Variants in SPATC1L observed in about 807,000 individuals in gnomAD.
SPATC1L encodes the protein spermatogenesis and centriole associated 1 like.
In SPATC1L, 20 loss-of-function variants were observed where a neutral mutation model predicts 21.2. The ratio of observed to expected loss-of-function variants is 0.94; its 90% confidence interval spans 0.66 to 1.37. SPATC1L has a LOEUF of 1.37. Among genes scored for constraint, SPATC1L ranks in the 40% most tolerant of loss-of-function variants. The pLI is 0.00. For missense variants in SPATC1L, 499 were observed against 478.7 expected, an observed-to-expected ratio of 1.04 and a Z score of -0.40; for synonymous variants, 290 against 234.5, an observed-to-expected ratio of 1.24 and a Z score of -2.16.
intron 2 of SPATC1L, among the ~76,000 whole-genome samples, chr21:46,169,040 C>T (rs1172729127): frequency 6.6e-6 from 1 of 152,280 alleles, no homozygotes; most frequent in Non-Finnish European, 1.5e-5. Context: ...TTTGCTGCTG[C>T]ATTATCTCTT....
intron 2 of SPATC1L, among the ~76,000 whole-genome samples, chr21:46,172,233 C>T (rs564316543): frequency 2.2e-5 from 3 of 135,060 alleles, no homozygotes; most frequent in South Asian, 2.3e-4. Context: ...GAGCACAAAG[C>T]GGGGAGGTGT....
chr21:46,167,604 C>T lies in SPATC1L; in HGVS notation c.544+704G>A, dbSNP rs116632614. Among the ~76,000 whole-genome samples, 1,427 of 152,182 alleles carry T rather than the reference C, an allele frequency of 9.4e-3. 27 individuals are homozygous for T. The highest frequency in any genetic ancestry group is 0.032 in the African/African-American group (1,346 of 41,506). On this transcript the variant is annotated intron_variant, in intron 3 of 4. Coordinates refer to ENST00000291672, the MANE Select transcript of SPATC1L (RefSeq NM_001142854.2). ...CCGAGGCAGGCGAATTGCTTCAGCC[C>T]GGGAGGTCAAGACCAGCCTGGGCAT...
chr21:46,164,445 G>A (rs564010617), intron 3 of SPATC1L, among the ~76,000 whole-genome samples: 21 of 152,234 alleles, frequency 1.4e-4, no homozygotes, highest in South Asian at 6.2e-4. Flanking sequence ...AATGAGGGGT[G>A]TGGAAGAGCA....
In SPATC1L at chr21:46,161,707, TGCGGGC is replaced by T; in HGVS notation, c.697-8_697-3del. 5.1e-6 allele frequency: 8 copies of T among 1,579,304 alleles called. No individual in the cohort carries two copies. The highest frequency in any genetic ancestry group is 6.0e-6 in the Non-Finnish European group (7 of 1,161,524). ...GCCGTCCAGAGACTTGGTGGAGGTCTGCGGGCGCAGCGCATGGATGGGGGTGGGGGG... is the reference window on the plus strand; with the variant it reads ...GCCGTCCAGAGACTTGGTGGAGGTCTGCAGCGCATGGATGGGGGTGGGGGG... On this transcript the variant is annotated splice_region_variant and splice_polypyrimidine_tract_variant and intron_variant, in intron 4 of 4. Coordinates refer to ENST00000291672, the MANE Select transcript of SPATC1L (RefSeq NM_001142854.2).
At chr21:46,163,924 A>G (rs60663823) in intron 3 of SPATC1L, among the ~76,000 whole-genome samples, 23,268 of 152,206 alleles carry the variant, frequency 0.15, 2,196 homozygotes, top group East Asian at 0.51. Flanking sequence ...AATGTAATCC[A>G]TATCAAAATT....
chr21:46,183,979 A>G (rs73144734), intron 1 of SPATC1L, among the ~76,000 whole-genome samples: 1 of 149,864 alleles, frequency 6.7e-6, no homozygotes, highest in Non-Finnish European at 1.5e-5. Flanking sequence ...CTTGCGGGGG[A>G]GACCAGCCTA....
chr21:46,168,453 C>A lies in SPATC1L; in HGVS notation c.399G>T (p.Leu133=). ...PHSHRGTDRK[L]SPLLSPLQDS... is the part of the protein sequence containing the mutation. The stretch of plus-strand genomic sequence containing the variant: ...CTTGCAAGGGGCTCAGGAGCGGGGA[C>A]AGCTTCCTGTCGGTGCCTCGGTGGC... Residue 133 remains leucine, a synonymous_variant, in exon 3 of 5, where the codon CTG becomes CTT. Transcript: ENST00000291672. 1.2e-6 allele frequency: 2 copies of A among 1,603,082 alleles called. No homozygotes were observed. Among genetic ancestry groups the A allele is most frequent in the Non-Finnish European group, 1.7e-6 (2 of 1,174,568 alleles).
At chr21:46,161,731 G>A (rs745421395) in intron 4 of SPATC1L, 26 bp from the exon 5 acceptor site, 4 of 1,552,742 alleles carry the variant, frequency 2.6e-6, no homozygotes, top group Admixed American at 1.8e-5. Flanking sequence ...ATGGATGGGG[G>A]TGGGGGGCTC....
intron 4 of SPATC1L, 24 bp downstream of exon 4, chr21:46,161,892 C>G: frequency 6.2e-7 from 1 of 1,600,170 alleles, no homozygotes; most frequent in Non-Finnish European, 8.5e-7. Flanking sequence ...ACCCTCCTGG[C>G]CGCGCCCTCC....
At chr21:46,175,955 C>G (rs183083938) in intron 2 of SPATC1L, among the ~76,000 whole-genome samples, 6 of 152,132 alleles carry the variant, frequency 3.9e-5, no homozygotes, top group African/African-American at 1.4e-4. Flanking sequence ...AAAGCTTATC[C>G]ACCACAATCA....
chr21:46,174,131 C>G (rs1425680033), intron 2 of SPATC1L, among the ~76,000 whole-genome samples: 1 of 152,002 alleles, frequency 6.6e-6, no homozygotes, highest in East Asian at 1.9e-4. Flanking sequence ...AGTTCAAGAC[C>G]AGCCTGGCCA....
intron 2 of SPATC1L, among the ~76,000 whole-genome samples, chr21:46,182,335 C>A (rs67381056): frequency 9.2e-5 from 14 of 152,254 alleles, no homozygotes; most frequent in Non-Finnish European, 1.8e-4. Flanking sequence ...CAAGCCTGCG[C>A]GCCACCTGCT....
intron 2 of SPATC1L, among the ~76,000 whole-genome samples, chr21:46,171,166 T>G (rs534253935): frequency 2.0e-5 from 3 of 152,312 alleles, no homozygotes; most frequent in African/African-American, 7.2e-5. Flanking sequence ...GGACTGAATA[T>G]TCCCCAACCA....
intron 2 of SPATC1L, among the ~76,000 whole-genome samples, chr21:46,173,569 C>T (rs560881180): frequency 2.6e-5 from 4 of 152,170 alleles, no homozygotes; most frequent in African/African-American, 9.6e-5. Flanking sequence ...GCCCCATACC[C>T]GCCAGAACCC....
intron 2 of SPATC1L, among the ~76,000 whole-genome samples, chr21:46,174,393 C>G (rs1226114687): frequency 6.6e-6 from 1 of 150,958 alleles, no homozygotes; most frequent in Non-Finnish European, 1.5e-5. Context: ...AACCAAGACC[C>G]ATTGGTATGC....
Position 46,161,350 on chromosome 21 carries a change from T to G in SPATC1L, c.*29A>C. 1 of 1,487,276 alleles carries G rather than the reference T, an allele frequency of 6.7e-7. No homozygotes were observed. The highest frequency in any genetic ancestry group is 8.9e-7 in the Non-Finnish European group (1 of 1,124,152). The allele number at this position is 1,487,276 out of a possible 1,614,324, so 92.1% of individuals were successfully genotyped here. ...CCCGGGTTGGAACAAACGCGTTTAC[T>G]GCAGGCAAGGCGGCGGGCGCGGGGC... On this transcript the variant is annotated 3_prime_UTR_variant, in exon 5 of 5. Coordinates refer to ENST00000291672, the MANE Select transcript of SPATC1L (RefSeq NM_001142854.2).
At chr21:46,181,237 G>A (rs983190761) in intron 2 of SPATC1L, among the ~76,000 whole-genome samples, 8 of 152,220 alleles carry the variant, frequency 5.3e-5, no homozygotes, top group East Asian at 1.9e-4. Context: ...CACCGTAAGC[G>A]CAGGTCTGCC....
intron 2 of SPATC1L, among the ~76,000 whole-genome samples, chr21:46,176,684 CA>C (rs1454622240): frequency 1.3e-5 from 2 of 152,106 alleles, no homozygotes; most frequent in Non-Finnish European, 2.9e-5. Context: ...GAATCAATAT[CA>C]TAAAAATGGT....
At chr21:46,178,861 T>A (rs569647920) in intron 2 of SPATC1L, among the ~76,000 whole-genome samples, 1 of 152,314 alleles carries the variant, frequency 6.6e-6, no homozygotes, top group African/African-American at 2.4e-5. Flanking sequence ...CACTCCAGCC[T>A]GGGCAACAGA....
Sources: allele counts gnomAD v4.1 joint callset (sites outside exome capture counted in the v4.1 genomes callset), GRCh38; gene constraint gnomAD v4.1.1; transcripts MANE v1.5; gene names NCBI Gene and HGNC (gene_info 2026-07-23, HGNC 2026-07-21).